The following PGBD4 variants were observed in gnomAD, a reference collection of about 807,000 sequenced individuals.
PGBD4 encodes the protein piggyBac transposable element-derived protein 4.
A neutral mutation model predicts 0.3 loss-of-function variants in PGBD4; 1 was observed. That is an observed-to-expected ratio of 3.72 (90% CI 1.32 to 17.64). PGBD4 has a LOEUF of 17.64. Among genes scored for constraint, PGBD4 ranks in the 30% most tolerant of loss-of-function variants. The probability of loss-of-function intolerance (pLI) is 0.11; values close to 1 mark genes in which losing one functional copy is unlikely to be tolerated. For missense variants in PGBD4, 624 were observed against 719.7 expected (o/e 0.87, Z 1.52); for synonymous variants, 253 against 267.7 (o/e 0.95, Z 0.54).
rs779125361 is a variant in PGBD4 at position 34,104,224 on chromosome 15, G to T, written c.1693G>T (p.Glu565Ter). Residue 565 changes from glutamate to a stop codon, truncating the protein, a stop_gained, in exon 1 of 1, where the codon GAA (glutamate) becomes TAA (stop). Coordinates refer to ENST00000397766, the MANE Select transcript of PGBD4 (RefSeq NM_152595.5). LOFTEE classifies it high-confidence loss of function. Reference sequence around the variant, plus strand: ...GAAAGAAACGCGCTATTTTTGTGCCGAATGTGATGTTCCGCTTTGTGTTGT... The same window carrying T: ...GAAAGAAACGCGCTATTTTTGTGCCTAATGTGATGTTCCGCTTTGTGTTGT... ...IRKETRYFCAECDVPLCVVPC... is the reference protein window; with the variant it reads ...IRKETRYFCA The T allele has an allele frequency of 2.5e-6, 4 of 1,614,130 alleles. No homozygotes were observed. Among genetic ancestry groups the T allele is most frequent in the Middle Eastern group, 1.6e-4 (1 of 6,062 alleles).
At position 34,104,584 on chromosome 15, in the gene PGBD4, C is replaced by T; in HGVS notation, c.*295C>T. On this transcript the variant is annotated 3_prime_UTR_variant, in exon 1 of 1. Coordinates refer to ENST00000397766, the MANE Select transcript of PGBD4 (RefSeq NM_152595.5). Reference sequence around the variant, plus strand: ...CACCACTGCACTCCAGCCTGGGTGACATAGCGAGACTCCATCTCAAAAAAA... The same window carrying T: ...CACCACTGCACTCCAGCCTGGGTGATATAGCGAGACTCCATCTCAAAAAAA... 3.1e-6 allele frequency: 1 copy of T among 322,836 alleles called. No individual in the cohort carries two copies. Among genetic ancestry groups the T allele is most frequent in the Non-Finnish European group, 5.6e-6 (1 of 178,082 alleles). The allele number at this position is 322,836 out of a possible 1,614,324, so 20.0% of individuals were successfully genotyped here. A position where few individuals can be genotyped will look rare whatever the true frequency, so the allele number is the denominator to read the frequency against.
chr15:34,107,534 T>A lies in PGBD4; in HGVS notation c.*3245T>A, dbSNP rs1474495320. On this transcript the variant is annotated 3_prime_UTR_variant, in exon 1 of 1. Transcript: ENST00000397766. ...TTGTGAAATCTTCTTCCACAGAAGT[T>A]GTTGCAACTTTCACTCTCACCAGCA... 6.6e-6 allele frequency: 1 copy of A among 152,238 alleles called. No homozygotes were observed. Among genetic ancestry groups the A allele is most frequent in the African/African-American group, 2.4e-5 (1 of 41,462 alleles). The allele number at this position is 152,238 out of a possible 1,614,324, so 9.4% of individuals were successfully genotyped here.
chr15:34,102,728 C>G lies in PGBD4; in HGVS notation c.197C>G (p.Ser66Ter), dbSNP rs780949913. The change falls in exon 1 of 1, where the codon TCA becomes TGA. Residue 66 changes from serine to a stop codon, truncating the protein, a stop_gained. Transcript: ENST00000397766. LOFTEE classifies it low-confidence loss of function (END_TRUNC). This position sits in a 1 kb window ranked among gnomAD's most constrained non-coding sequence, Gnocchi z 4.7. Reference protein sequence around the residue: ...HLESDGKSSTSSDSGRSMKWS... With the variant: ...HLESDGKSST ...GAATCTGATGGAAAGAGCTCTACAT[C>G]AAGTGACTCAGGGCGCTCCATGAAA... 1 of 1,614,130 alleles carries G rather than the reference C, an allele frequency of 6.2e-7. No individual in the cohort carries two copies. Among genetic ancestry groups the G allele is most frequent in the Admixed American group, 1.7e-5 (1 of 60,016 alleles).
chr15:34,102,398 T>TA lies in PGBD4; in HGVS notation c.-133dup. 1 of 1,361,166 alleles carries TA rather than the reference T, an allele frequency of 7.3e-7. No homozygotes were observed. 84.3% of individuals were successfully genotyped at this position (1,361,166 alleles called of 1,614,324 possible). A position where few individuals can be genotyped will look rare whatever the true frequency, so the allele number is the denominator to read the frequency against. ...CTTACTCCCAAAGTTTGCCACGAAA[T>TA]ATCTCGCTTCTGTTATTTTCGCATG... On this transcript the variant is annotated 5_prime_UTR_variant, in exon 1 of 1. An upstream open reading frame in the 5' UTR gains an earlier in-frame stop. Transcript: ENST00000397766. The surrounding 1 kb of genome is among the most constrained non-coding windows in gnomAD (Gnocchi z 4.7).
Position 34,103,415 on chromosome 15 carries a change from C to T in PGBD4, c.884C>T (p.Thr295Ile). 6.2e-7 allele frequency: 1 copy of T among 1,614,250 alleles called. No individual in the cohort carries two copies. Among genetic ancestry groups the T allele is most frequent in the Non-Finnish European group, 8.5e-7 (1 of 1,180,048 alleles). The change falls in exon 1 of 1, where the codon ACA becomes ATA. Residue 295 changes from threonine (T) to isoleucine (I), a missense_variant. Physicochemically the swap from Thr to Ile is moderately conservative, Grantham distance 89. Transcript: ENST00000397766. This position sits in a 1 kb window ranked among gnomAD's most constrained non-coding sequence, Gnocchi z 4.6. ...SGYVWNALVH[T>I]GPGMNLKDSA... ...TATGTGTGGAATGCGCTTGTTCACA[C>T]AGGGCCTGGCATGAATTTGAAAGAT...
At position 34,102,822 on chromosome 15, in the gene PGBD4, T is replaced by C. The variant is rs1414717606; in HGVS notation, c.291T>C (p.Asp97=). ...DFTGTPGRKV[D]VSDITDPLQY... Reference sequence around the variant, plus strand: ...CCGGCACACCTGGCAGAAAAGTCGATGTCAGTGATATCACTGACCCATTGC... The same window carrying C: ...CCGGCACACCTGGCAGAAAAGTCGACGTCAGTGATATCACTGACCCATTGC... Residue 97 remains aspartate (D), a synonymous_variant, in exon 1 of 1, where the codon GAT becomes GAC. Transcript: ENST00000397766. The surrounding 1 kb of genome is among the most constrained non-coding windows in gnomAD (Gnocchi z 4.7). 1 of 1,614,232 alleles carries C rather than the reference T, an allele frequency of 6.2e-7. No individual in the cohort carries two copies. The highest frequency in any genetic ancestry group is 8.5e-7 in the Non-Finnish European group (1 of 1,180,044).
rs761004001 is a variant in PGBD4, at chr15:34,103,657, G to A, written c.1126G>A (p.Ala376Thr). ...AAGGATTGCAAAGGGGACGACTGTA[G>A]CCAGATTCTGTGGTGAACTTATGGC... is the stretch of plus-strand genomic sequence containing the variant. ...KKRIAKGTTVARFCGELMALK... is the reference protein window; with the variant it reads ...KKRIAKGTTVTRFCGELMALK... The change falls in exon 1 of 1, where the codon GCC becomes ACC. Residue 376 changes from alanine to threonine, a missense_variant. Transcript: ENST00000397766. The surrounding 1 kb of genome is among the most constrained non-coding windows in gnomAD (Gnocchi z 4.6). 15 of 1,614,224 alleles carry A rather than the reference G, an allele frequency of 9.3e-6. No homozygotes were observed. The highest frequency in any genetic ancestry group is 1.3e-5 in the Non-Finnish European group (15 of 1,180,048).
At position 34,103,842 on chromosome 15, in the gene PGBD4, GCTTACTT is replaced by G; in HGVS notation, c.1316_1322del (p.Thr439IlefsTer25). The stretch of plus-strand genomic sequence containing the variant: ...GAGCAGTGGACTCGGCTGATCAAAT[GCTTACTT>G]CTTATCCATCTGAGCGCAAAAGACA... On this transcript the variant is annotated frameshift_variant, in exon 1 of 1. Transcript: ENST00000397766. LOFTEE classifies it low-confidence loss of function (END_TRUNC). The surrounding 1 kb of genome is among the most constrained non-coding windows in gnomAD (Gnocchi z 4.6). 1 of 1,614,102 alleles carries G rather than the reference GCTTACTT, an allele frequency of 6.2e-7. No individual in the cohort carries two copies. Among genetic ancestry groups the G allele is most frequent in the Non-Finnish European group, 8.5e-7 (1 of 1,180,028 alleles).
At position 34,102,986 on chromosome 15, in the gene PGBD4, A is replaced by C; in HGVS notation, c.455A>C (p.Asn152Thr). Residue 152 changes from asparagine to threonine, a missense_variant, in exon 1 of 1, where the codon AAT becomes ACT. By Grantham distance (65) the Asn-to-Thr change is moderately conservative. Transcript: ENST00000397766. The surrounding 1 kb of genome is among the most constrained non-coding windows in gnomAD (Gnocchi z 4.7). Reference sequence around the variant, plus strand: ...ATGGATAAATGGAAAGACACTGACAATGACGAGCTCAAAGTCTTTTTTGCA... The same window carrying C: ...ATGGATAAATGGAAAGACACTGACACTGACGAGCTCAAAGTCTTTTTTGCA... ...SRMDKWKDTD[N>T]DELKVFFAVM... The C allele has an allele frequency of 6.2e-7, 1 of 1,614,164 alleles. No homozygotes were observed. The highest frequency in any genetic ancestry group is 8.5e-7 in the Non-Finnish European group (1 of 1,180,052).
At position 34,106,629 on chromosome 15, in the gene PGBD4, A is replaced by ATGGTACAATATTCAAAAGGCACC; in HGVS notation, c.*2359_*2360insCACCTGGTACAATATTCAAAAGG. The ATGGTACAATATTCAAAAGGCACC allele has an allele frequency of 1.3e-5, 2 of 151,098 alleles. No homozygotes were observed. Among genetic ancestry groups the ATGGTACAATATTCAAAAGGCACC allele is most frequent in the African/African-American group, 2.5e-5 (1 of 40,736 alleles). 9.4% of individuals were successfully genotyped at this position (151,098 alleles called of 1,614,324 possible). On this transcript the variant is annotated 3_prime_UTR_variant, in exon 1 of 1. Transcript: ENST00000397766. ...ACATGGTACAATATTCAAAAGGCAC[A>ATGGTACAATATTCAAAAGGCACC]TGGTACAATATTCAAAAGGTATGAG...
rs749680772 is a variant in PGBD4 at position 34,104,128 on chromosome 15, G to T, written c.1597G>T (p.Gly533Trp). The change falls in exon 1 of 1, where the codon GGG becomes TGG. Residue 533 changes from glycine (G) to tryptophan (W), a missense_variant. Transcript: ENST00000397766. The stretch of plus-strand genomic sequence containing the variant: ...CCCCAAGAGCATACCAGCAACGTCC[G>T]GGAAACAGAATCCAACTGGTCGCTG... Reference protein sequence around the residue: ...HFPKSIPATSGKQNPTGRCKI... With the variant: ...HFPKSIPATSWKQNPTGRCKI... 31 of 1,614,164 alleles carry T rather than the reference G, an allele frequency of 1.9e-5. No homozygotes were observed. In the South Asian group the frequency reaches 3.2e-4, roughly 17 times the overall value.
chr15:34,103,356 G>A lies in PGBD4; in HGVS notation c.825G>A (p.Leu275=), dbSNP rs1254016976. Residue 275 remains leucine (L), a synonymous_variant, in exon 1 of 1, where the codon CTG becomes CTA. Transcript: ENST00000397766. This position sits in a 1 kb window ranked among gnomAD's most constrained non-coding sequence, Gnocchi z 4.6. ...CGACAAAACGAGTACGATTTGGTCT[G>A]AAGCTATATGTACTTTGTGAAAGTC... ...YLPTKRVRFG[L]KLYVLCESQS... is the part of the protein sequence containing the mutation. 6.2e-7 allele frequency: 1 copy of A among 1,614,224 alleles called. No individual in the cohort carries two copies. The highest frequency in any genetic ancestry group is 1.1e-5 in the South Asian group (1 of 91,090).
At position 34,102,660 on chromosome 15, in the gene PGBD4, T is replaced by C. The variant is rs750274776; in HGVS notation, c.129T>C (p.Asp43=). Residue 43 remains aspartate (D), a synonymous_variant, in exon 1 of 1, where the codon GAT becomes GAC. Transcript: ENST00000397766. The surrounding 1 kb of genome is among the most constrained non-coding windows in gnomAD (Gnocchi z 4.7). ...SEIDDSDNFS[D]SALEADKIRP... is the part of the protein sequence containing the mutation. ...TAGATGATTCTGATAATTTTTCGGA[T>C]AGTGCTTTAGAAGCCGATAAGATCA... The C allele has an allele frequency of 1.9e-6, 3 of 1,614,184 alleles. No individual in the cohort carries two copies. Among genetic ancestry groups the C allele is most frequent in the Admixed American group, 3.3e-5 (2 of 60,018 alleles).
chr15:34,103,023 G>A lies in PGBD4; in HGVS notation c.492G>A (p.Leu164=). Residue 164 remains leucine (L), a synonymous_variant, in exon 1 of 1, where the codon CTG becomes CTA. Transcript: ENST00000397766. The surrounding 1 kb of genome is among the most constrained non-coding windows in gnomAD (Gnocchi z 4.6). ...ELKVFFAVML[L]QGIVQKPELE... is the part of the protein sequence containing the mutation. ...AAGTCTTTTTTGCAGTAATGTTACT[G>A]CAAGGTATTGTGCAGAAACCTGAGC... 6.2e-7 allele frequency: 1 copy of A among 1,614,064 alleles called. No homozygotes were observed. Among genetic ancestry groups the A allele is most frequent in the Non-Finnish European group, 8.5e-7 (1 of 1,180,038 alleles).
chr15:34,103,698 C>G lies in PGBD4; in HGVS notation c.1167C>G (p.Asp389Glu). ...CGELMALKWCDGKEVTMLSTF... is the reference protein window; with the variant it reads ...CGELMALKWCEGKEVTMLSTF... ...AACTTATGGCACTGAAATGGTGTGACGGCAAGGAGGTGACAATGTTGTCAA... is the reference window on the plus strand; with the variant it reads ...AACTTATGGCACTGAAATGGTGTGAGGGCAAGGAGGTGACAATGTTGTCAA... The change falls in exon 1 of 1, where the codon GAC (aspartate) becomes GAG (glutamate). Residue 389 changes from aspartate (D) to glutamate (E), a missense_variant. By Grantham distance (45) the Asp-to-Glu change is conservative (BLOSUM62 2). Coordinates refer to ENST00000397766, the MANE Select transcript of PGBD4 (RefSeq NM_152595.5). This position sits in a 1 kb window ranked among gnomAD's most constrained non-coding sequence, Gnocchi z 4.6. 6.2e-7 allele frequency: 1 copy of G among 1,614,002 alleles called. No homozygotes were observed. Among genetic ancestry groups the G allele is most frequent in the African/African-American group, 1.3e-5 (1 of 74,964 alleles).
At position 34,102,358 on chromosome 15, in the gene PGBD4, GA is replaced by G; in HGVS notation, c.-173del. The G allele has an allele frequency of 6.1e-6, 6 of 981,026 alleles. No individual in the cohort carries two copies. In the South Asian group the frequency reaches 1.2e-4, roughly 19 times the overall value. 60.8% of individuals were successfully genotyped at this position (981,026 alleles called of 1,614,324 possible). On this transcript the variant is annotated 5_prime_UTR_variant, in exon 1 of 1. The change creates a premature stop within an existing upstream ORF in the 5' untranslated region. Coordinates refer to ENST00000397766, the MANE Select transcript of PGBD4 (RefSeq NM_152595.5). The surrounding 1 kb of genome is among the most constrained non-coding windows in gnomAD (Gnocchi z 4.7). ...AGCGTTTACGCCGAGATAACTCGTG[GA>G]TTACAGTGCCAACCTTACTCCCAAA...
At position 34,104,127 on chromosome 15, in the gene PGBD4, C is replaced by T. The variant is rs777908020; in HGVS notation, c.1596C>T (p.Ser532=). The change falls in exon 1 of 1, where the codon TCC becomes TCT. Residue 532 remains serine (S), a synonymous_variant. Coordinates refer to ENST00000397766, the MANE Select transcript of PGBD4 (RefSeq NM_152595.5). Reference sequence around the variant, plus strand: ...TCCCCAAGAGCATACCAGCAACGTCCGGGAAACAGAATCCAACTGGTCGCT... The same window carrying T: ...TCCCCAAGAGCATACCAGCAACGTCTGGGAAACAGAATCCAACTGGTCGCT... The part of the protein sequence containing the change: ...RHFPKSIPAT[S]GKQNPTGRCK... 20 of 1,614,040 alleles carry T rather than the reference C, an allele frequency of 1.2e-5. No homozygotes were observed. The highest frequency in any genetic ancestry group is 8.0e-5 in the African/African-American group (6 of 74,916).
chr15:34,103,121 T>A lies in PGBD4; in HGVS notation c.590T>A (p.Phe197Tyr), dbSNP rs747327538. 4 of 1,613,910 alleles carry A rather than the reference T, an allele frequency of 2.5e-6. No homozygotes were observed. Among genetic ancestry groups the A allele is most frequent in the Non-Finnish European group, 2.5e-6 (3 of 1,180,010 alleles). The change falls in exon 1 of 1, where the codon TTT becomes TAT. Residue 197 changes from phenylalanine (F) to tyrosine (Y), a missense_variant. Coordinates refer to ENST00000397766, the MANE Select transcript of PGBD4 (RefSeq NM_152595.5). The surrounding 1 kb of genome is among the most constrained non-coding windows in gnomAD (Gnocchi z 4.6). Reference protein sequence around the residue: ...YLRQIMTGERFLLLFRCLHFV... With the variant: ...YLRQIMTGERYLLLFRCLHFV... The stretch of plus-strand genomic sequence containing the variant: ...AGGCAAATTATGACTGGTGAAAGAT[T>A]TTTACTTTTGTTTCGGTGCCTGCAT...
rs1170494838 is a variant in PGBD4 at position 34,104,000 on chromosome 15, T to C, written c.1469T>C (p.Ile490Thr). The change falls in exon 1 of 1, where the codon ATT becomes ACT. Residue 490 changes from isoleucine (I) to threonine (T), a missense_variant. By Grantham distance (89) the Ile-to-Thr change is moderately conservative. Transcript: ENST00000397766. The surrounding 1 kb of genome is among the most constrained non-coding windows in gnomAD (Gnocchi z 4.6). ...CATATAAACTTCAGACTGGCATTGA[T>C]TGAAAGAATGCTGGAAAAGCATCAC... The part of the protein sequence containing the change: ...MSHINFRLAL[I>T]ERMLEKHHKP... 1.4e-5 allele frequency: 22 copies of C among 1,614,136 alleles called. No homozygotes were observed. Among genetic ancestry groups the C allele is most frequent in the Non-Finnish European group, 1.8e-5 (21 of 1,180,012 alleles).
Sources: allele counts gnomAD v4.1 joint callset, GRCh38; gene constraint gnomAD v4.1.1; non-coding constraint Gnocchi (gnomAD v3.1); transcripts MANE v1.5; gene names NCBI Gene and HGNC (gene_info 2026-07-23, HGNC 2026-07-21).